NBEA: variants seen among roughly 807,000 people sequenced by gnomAD.
The protein encoded by NBEA is lysosomal-trafficking regulator 2.
Under a neutral mutation model 343.4 loss-of-function variants are expected in NBEA, and 44 were observed. That is an observed-to-expected ratio of 0.13 (90% CI 0.10 to 0.16). The LOEUF is 0.16. Ranked by LOEUF, NBEA falls within the 10% of genes least tolerant of loss-of-function variation. The pLI is 1.00. For synonymous variants in NBEA, 1,175 were observed against 1,238.7 expected (o/e 0.95, Z 1.08); for missense variants, 2,555 against 3,631.3 (o/e 0.70, Z 7.62).
intron 47 of NBEA, among the ~76,000 whole-genome samples, chr13:35,599,518 G>C (rs2081957737): frequency 6.6e-6 from 1 of 152,208 alleles, no homozygotes; most frequent in East Asian, 1.9e-4. Context: ...GGGCATGTCT[G>C]TCTCTATCAC....
intron 13 of NBEA, among the ~76,000 whole-genome samples, chr13:35,112,866 C>T (rs987380076): frequency 6.6e-6 from 1 of 151,956 alleles, no homozygotes; most frequent in Non-Finnish European, 1.5e-5. Flanking sequence ...TGTGTATTTC[C>T]TGAAAGGTAA....
chr13:35,663,687 TTC>T, intron 55 of NBEA, among the ~76,000 whole-genome samples: 1 of 152,298 alleles, frequency 6.6e-6, no homozygotes, highest in Admixed American at 6.5e-5. Flanking sequence ...CAATTTTTTT[TTC>T]TTTTTCACCT....
intron 40 of NBEA, among the ~76,000 whole-genome samples, chr13:35,457,985 C>T (rs531972804): frequency 2.0e-5 from 3 of 152,340 alleles, no homozygotes; most frequent in Admixed American, 6.5e-5. Context: ...AGTTGATGGA[C>T]ATTCAAGTTG....
chr13:35,625,839 A>T (rs1048439140), intron 48 of NBEA, among the ~76,000 whole-genome samples: 1 of 152,172 alleles, frequency 6.6e-6, no homozygotes, highest in Non-Finnish European at 1.5e-5. Context: ...TACTGGCCAA[A>T]ATTAGAAACC....
chr13:35,008,746 T>C (rs916762937), intron 1 of NBEA, among the ~76,000 whole-genome samples: 1 of 152,214 alleles, frequency 6.6e-6, no homozygotes, highest in Admixed American at 6.5e-5. Flanking sequence ...ATATTTTAAA[T>C]GGAATCATAC....
intron 1 of NBEA, among the ~76,000 whole-genome samples, chr13:34,981,865 G>A (rs906519008): frequency 2.0e-5 from 3 of 151,666 alleles, no homozygotes; most frequent in Admixed American, 2.0e-4. Context: ...TTAGCACACT[G>A]TTCATAAACA....
intron 33 of NBEA, among the ~76,000 whole-genome samples, chr13:35,226,411 G>A (rs1001743254): frequency 2.0e-5 from 3 of 152,148 alleles, no homozygotes; most frequent in Middle Eastern, 3.4e-3. Context: ...TCCTAAAAGA[G>A]GATCTTGGAT....
Position 35,651,863 on chromosome 13 carries a change from G to A in NBEA, c.8022G>A (p.Met2674Ile), listed in dbSNP as rs1221113526. The part of the protein sequence containing the change: ...LDQAHHLPIE[M>I]DPLIANNSGV... ...AAGCCCACCATCTTCCCATTGAAAT[G>A]GATCCATTAATAGGTATGTTAATAA... The change falls in exon 53 of 59, where the codon ATG (methionine) becomes ATA (isoleucine). Residue 2674 changes from methionine (M) to isoleucine (I), a missense_variant. Transcript: ENST00000379939. 1 of 1,535,432 alleles carries A rather than the reference G, an allele frequency of 6.5e-7. No homozygotes were observed. Among genetic ancestry groups the A allele is most frequent in the Non-Finnish European group, 8.8e-7 (1 of 1,132,478 alleles).
At chr13:35,164,024 G>T (rs1168669833) in intron 23 of NBEA, among the ~76,000 whole-genome samples, 1 of 151,878 alleles carries the variant, frequency 6.6e-6, no homozygotes, top group Non-Finnish European at 1.5e-5. Context: ...AAAAGGTTTT[G>T]CCTTTCAACA....
intron 44 of NBEA, 49 bp from the exon 45 acceptor site, chr13:35,566,856 C>T: frequency 1.0e-6 from 1 of 991,270 alleles, no homozygotes; most frequent in Non-Finnish European, 1.5e-6. Context: ...GAAACTATTT[C>T]ATAAGCATTT....
intron 41 of NBEA, among the ~76,000 whole-genome samples, chr13:35,528,524 A>G (rs1406652619): frequency 6.6e-6 from 1 of 152,212 alleles, no homozygotes; most frequent in Non-Finnish European, 1.5e-5. Flanking sequence ...ATTTTAAAAC[A>G]AGGTTGACAG....
At chr13:35,177,843 T>G (rs2071023302) in intron 28 of NBEA, among the ~76,000 whole-genome samples, 1 of 151,766 alleles carries the variant, frequency 6.6e-6, no homozygotes, top group Non-Finnish European at 1.5e-5. Context: ...GAAGAAAGTT[T>G]ATATTTTAAA....
At chr13:34,992,035 A>G (rs1363983607) in intron 1 of NBEA, among the ~76,000 whole-genome samples, 6 of 150,790 alleles carry the variant, frequency 4.0e-5, no homozygotes, top group Non-Finnish European at 8.8e-5. Flanking sequence ...TCTATATGTA[A>G]TATGACTTTT....
intron 34 of NBEA, among the ~76,000 whole-genome samples, chr13:35,279,913 A>G (rs1321475909): frequency 2.0e-5 from 3 of 152,180 alleles, no homozygotes; most frequent in Non-Finnish European, 4.4e-5. Flanking sequence ...CTAAGACATA[A>G]ACCTGGAGAA....
chr13:35,209,561 T>C (rs780502106), intron 32 of NBEA, among the ~76,000 whole-genome samples: 7 of 152,078 alleles, frequency 4.6e-5, no homozygotes, highest in Non-Finnish European at 7.4e-5. Flanking sequence ...AATAAATCCT[T>C]ACCCAAATCT....
intron 11 of NBEA, among the ~76,000 whole-genome samples, chr13:35,103,030 A>G (rs2065726832): frequency 6.6e-6 from 1 of 151,784 alleles, no homozygotes; most frequent in South Asian, 2.1e-4. Context: ...TTTTTTAGTT[A>G]AATTAAGGAA....
At chr13:34,943,909 C>G (rs1369404098) in intron 1 of NBEA, among the ~76,000 whole-genome samples, 1 of 152,166 alleles carries the variant, frequency 6.6e-6, no homozygotes, top group Non-Finnish European at 1.5e-5. Flanking sequence ...GAAAGAGTTA[C>G]TGCAGAAGTG....
At chr13:35,468,263 C>G (rs1191060154) in intron 40 of NBEA, among the ~76,000 whole-genome samples, 2 of 152,182 alleles carry the variant, frequency 1.3e-5, no homozygotes, top group African/African-American at 4.8e-5. Flanking sequence ...ATGGCGTTCT[C>G]TTGTTGGACA....
At chr13:34,963,975 T>A (rs1241652046) in intron 1 of NBEA, among the ~76,000 whole-genome samples, 3 of 151,960 alleles carry the variant, frequency 2.0e-5, no homozygotes, top group Non-Finnish European at 4.4e-5. Context: ...CCCTATGACT[T>A]TGGTAGTTTT....
Sources: gnomAD v4.1 joint callset for allele counts (sites outside exome capture counted in the v4.1 genomes callset) on GRCh38, gnomAD v4.1.1 for gene constraint, MANE v1.5 for transcripts, NCBI Gene and HGNC (gene_info 2026-07-23, HGNC 2026-07-21) for gene names.